The following S100A13 variants were observed in gnomAD, a reference collection of about 807,000 sequenced individuals.
S100A13 encodes the protein protein S100-A13.
S100A13 carries 6 observed loss-of-function variants against 8.2 expected under a neutral mutation model. The ratio of observed to expected loss-of-function variants is 0.73; its 90% CI spans 0.40 to 1.44. S100A13 has a LOEUF of 1.44. S100A13 is among the 40% of genes most tolerant of loss of function. The pLI, the probability that S100A13 is intolerant of heterozygous loss-of-function variation, is 0.02. For missense variants in S100A13, 114 were observed against 113.6 expected, an observed-to-expected ratio of 1.00 and a Z score of -0.02; for synonymous variants, 39 against 45.9, an observed-to-expected ratio of 0.85 and a Z score of 0.61.
intron 2 of S100A13, among the ~76,000 whole-genome samples, chr1:153,626,101 G>C (rs910349715): frequency 2.6e-5 from 4 of 152,202 alleles, no homozygotes; most frequent in Non-Finnish European, 5.9e-5. Flanking sequence ...CCCGGAGATG[G>C]AGGTTGCAGT....
Position 153,621,434 on chromosome 1 carries a change from G to A in S100A13, c.154-2396C>T, listed in dbSNP as rs150611501. Among the ~76,000 whole-genome samples, 309 of 151,802 alleles carry A rather than the reference G, an allele frequency of 2.0e-3. 3 individuals are homozygous for A. Among genetic ancestry groups the A allele is most frequent in the African/African-American group, 6.9e-3 (285 of 41,502 alleles). ...AGCCTCCAAAAGGTCTGGGATTACA[G>A]GCATGAGCCACCACGCCCGGCCTAC... On this transcript the variant is annotated intron_variant, in intron 2 of 2. Transcript: ENST00000476133.
intron 2 of S100A13, among the ~76,000 whole-genome samples, chr1:153,622,051 A>G (rs1667294183): frequency 6.6e-6 from 1 of 151,848 alleles, no homozygotes. Context: ...CAACTTTTTT[A>G]GGAGGCAAAT....
At chr1:153,624,692 A>G (rs1571288245) in intron 2 of S100A13, among the ~76,000 whole-genome samples, 1 of 152,098 alleles carries the variant, frequency 6.6e-6, no homozygotes, top group East Asian at 1.9e-4. Flanking sequence ...TAATCCCAAC[A>G]CTTTGGAAGG....
chr1:153,628,390 G>A (rs572770365), upstream of S100A13: 46 of 1,549,066 alleles, frequency 3.0e-5, 1 homozygote, highest in Admixed American at 2.4e-4. Flanking sequence ...GGGGGTCAGC[G>A]GGGGAGGGAC....
intron 2 of S100A13, among the ~76,000 whole-genome samples, chr1:153,620,453 T>A (rs1446434432): frequency 7.6e-6 from 1 of 132,046 alleles, no homozygotes; most frequent in Non-Finnish European, 1.6e-5. Flanking sequence ...AGAGTGAGAC[T>A]ATCTAAAAAA....
upstream of S100A13, chr1:153,628,497 G>A (rs772952680): frequency 1.0e-4 from 161 of 1,550,570 alleles, 1 homozygote; most frequent in Admixed American, 2.9e-4. Flanking sequence ...CAGGCCAACC[G>A]TGAGTACCCT....
At chr1:153,631,801 T>C (rs757002367), upstream of S100A13, 2 of 1,614,196 alleles carry the variant, frequency 1.2e-6, no homozygotes, top group South Asian at 2.2e-5. Context: ...GTGGCTGCTC[T>C]CACAGTGGCC....
intron 2 of S100A13, among the ~76,000 whole-genome samples, chr1:153,622,150 A>G (rs1246032443): frequency 6.6e-6 from 1 of 152,146 alleles, no homozygotes; most frequent in Non-Finnish European, 1.5e-5. Flanking sequence ...CAGGCAGATC[A>G]TCTGAAGTCA....
At chr1:153,630,735 TC>T, upstream of S100A13, 4 of 1,559,798 alleles carry the variant, frequency 2.6e-6, no homozygotes, top group African/African-American at 1.3e-5. Flanking sequence ...CCCCTTGCTA[TC>T]TCCCCACCCC....
chr1:153,627,953 ACAC>A, upstream of S100A13: 4 of 1,381,472 alleles, frequency 2.9e-6, no homozygotes, highest in Non-Finnish European at 3.9e-6. Context: ...CTGAGGCCCC[ACAC>A]ACAGAGGGGG....
upstream of S100A13, chr1:153,628,799 G>A: frequency 2.4e-6 from 1 of 409,054 alleles, no homozygotes. Context: ...TCAAGTCCCT[G>A]CCAAGGCCCC....
upstream of S100A13, among the ~76,000 whole-genome samples, chr1:153,632,461 C>T (rs926467166): frequency 1.3e-5 from 2 of 151,692 alleles, no homozygotes; most frequent in Non-Finnish European, 2.9e-5. Context: ...TTAGTACAGA[C>T]GGGGTTTCAC....
chr1:153,632,061 G>T, upstream of S100A13: 1 of 573,008 alleles, frequency 1.7e-6, no homozygotes, highest in Non-Finnish European at 3.1e-6. Flanking sequence ...TCTCCTCTGG[G>T]ATCTGGAAGT....
intron 2 of S100A13, among the ~76,000 whole-genome samples, chr1:153,620,265 C>G (rs770079694): frequency 6.6e-6 from 1 of 151,630 alleles, no homozygotes; most frequent in African/African-American, 2.4e-5. Context: ...CCAGTCTGGG[C>G]TACAGAGTGG....
chr1:153,630,457 C>A, upstream of S100A13: 1 of 1,595,938 alleles, frequency 6.3e-7, no homozygotes. Context: ...CACCTAGACC[C>A]CAGGTACTCC....
At chr1:153,623,850 A>T (rs1421239674) in intron 2 of S100A13, among the ~76,000 whole-genome samples, 2 of 152,252 alleles carry the variant, frequency 1.3e-5, no homozygotes, top group Non-Finnish European at 2.9e-5. Flanking sequence ...AGCCAGATTC[A>T]GCTATCCAAG....
chr1:153,630,588 G>A (rs201245386), upstream of S100A13: 124 of 1,614,272 alleles, frequency 7.7e-5, 3 homozygotes, highest in East Asian at 2.8e-3. Context: ...CTCGGGCAAA[G>A]AGGGGGACAA....
chr1:153,632,513 C>T (rs1014835017), upstream of S100A13, among the ~76,000 whole-genome samples: 2 of 151,960 alleles, frequency 1.3e-5, no homozygotes, highest in African/African-American at 2.4e-5. Context: ...CCTCGTGATC[C>T]CCCCGCCTCG....
chr1:153,631,350 A>G, upstream of S100A13: 1 of 1,063,326 alleles, frequency 9.4e-7, no homozygotes, highest in Non-Finnish European at 1.3e-6. Flanking sequence ...ACCACCGATT[A>G]CCAATTTGTT....
Sources: allele counts gnomAD v4.1 joint callset (sites outside exome capture counted in the v4.1 genomes callset), GRCh38; gene constraint gnomAD v4.1.1; transcripts MANE v1.5; gene names NCBI Gene and HGNC (gene_info 2026-07-23, HGNC 2026-07-21).